PM20D2: variants seen among roughly 807,000 people sequenced by gnomAD.
PM20D2 encodes the protein peptidase M20 domain containing 2.
Under a neutral mutation model 42.9 loss-of-function variants are expected in PM20D2, and 33 were observed. The observed-to-expected ratio is 0.77, with a 90% CI of 0.58 to 1.03. The LOEUF (loss-of-function observed/expected upper bound fraction) is 1.03, where lower values mean the gene tolerates loss of function less well. Ranked by LOEUF, PM20D2 falls within the 50% of genes least tolerant of loss-of-function variation. The pLI, the probability that PM20D2 is intolerant of heterozygous loss-of-function variation, is 0.00. For synonymous variants in PM20D2, 250 were observed against 228.2 expected (o/e 1.10, Z -0.86); for missense variants, 548 against 557.0 (o/e 0.98, Z 0.16).
the PM20D2 span, among the ~76,000 whole-genome samples, chr6:89,123,719 CAAAA>C: frequency 3.7e-5 from 2 of 53,894 alleles, no homozygotes; most frequent in Non-Finnish European, 3.9e-5. Flanking sequence ...GAGACTGTCT[CAAAA>C]AAAAAAAAAA....
chr6:89,141,045 A>C, the PM20D2 span, among the ~76,000 whole-genome samples: 1 of 151,628 alleles, frequency 6.6e-6, no homozygotes, highest in African/African-American at 2.4e-5. Flanking sequence ...GTATACCATT[A>C]CTCATACTAG....
At chr6:89,106,844 T>C in the PM20D2 span, 1 of 387,164 alleles carries the variant, frequency 2.6e-6, no homozygotes, top group Non-Finnish European at 5.0e-6. Context: ...CTTTGTCTTT[T>C]GCTTGATAAA....
Position 89,160,050 on chromosome 6 carries a change from GT to G in PM20D2, c.1048+1599del, listed in dbSNP as rs1043126981. Among the ~76,000 whole-genome samples the G allele has an allele frequency of 1.1e-4, 16 of 151,466 alleles. 1 individual carries two copies. The highest frequency in any genetic ancestry group is 1.0e-3 in the South Asian group (5 of 4,780). On this transcript the variant is annotated intron_variant, in intron 5 of 6. Transcript: ENST00000275072. ...AGTAAGATCTTAAAATATGCAACAG[GT>G]TTTTTTTTGTCCATCCTTTTTTGTT...
At chr6:89,094,055 G>A in the PM20D2 span, among the ~76,000 whole-genome samples, 1 of 151,044 alleles carries the variant, frequency 6.6e-6, no homozygotes, top group Non-Finnish European at 1.5e-5. Flanking sequence ...TGAGTGTCTG[G>A]GATTACAAGT....
chr6:89,104,033 C>T, the PM20D2 span, among the ~76,000 whole-genome samples: 1 of 109,720 alleles, frequency 9.1e-6, no homozygotes, highest in African/African-American at 3.6e-5. Context: ...GACGGAGTCT[C>T]ACCATGTTGG....
Position 89,165,026 on chromosome 6 carries a change from T to G in PM20D2, c.*2763T>G, listed in dbSNP as rs1409955700. 1 of 151,984 alleles carries G rather than the reference T, an allele frequency of 6.6e-6. No homozygotes were observed. Among genetic ancestry groups the G allele is most frequent in the African/African-American group, 2.4e-5 (1 of 41,398 alleles). 9.4% of individuals were successfully genotyped at this position (151,984 alleles called of 1,614,324 possible). A position where few individuals can be genotyped will look rare whatever the true frequency, so the allele number is the denominator to read the frequency against. ...CGAGATTTATTTATCTGAGCAACAT[T>G]GGGACTGAGGGAACATCTGAAAGCT... On this transcript the variant is annotated 3_prime_UTR_variant, in exon 7 of 7. Coordinates refer to ENST00000275072, the MANE Select transcript of PM20D2 (RefSeq NM_001010853.3).
chr6:89,137,771 C>T, the PM20D2 span, among the ~76,000 whole-genome samples: 6 of 152,052 alleles, frequency 3.9e-5, no homozygotes, highest in East Asian at 1.9e-4. Context: ...ATACTGTTTC[C>T]TTATTCCCCC....
At chr6:89,101,449 C>T in the PM20D2 span, among the ~76,000 whole-genome samples, 1 of 152,144 alleles carries the variant, frequency 6.6e-6, no homozygotes, top group South Asian at 2.1e-4. Flanking sequence ...CGGCCGGGTG[C>T]GGTGGCTCAT....
chr6:89,099,488 G>GTA, the PM20D2 span, among the ~76,000 whole-genome samples: 2 of 135,034 alleles, frequency 1.5e-5, no homozygotes, highest in Admixed American at 7.5e-5. Context: ...ATATGTGTGT[G>GTA]TATATATATA....
the PM20D2 span, among the ~76,000 whole-genome samples, chr6:89,130,945 C>T: frequency 6.8e-6 from 1 of 147,964 alleles, no homozygotes; most frequent in African/African-American, 2.5e-5. Flanking sequence ...TCAAGCAATC[C>T]ACTGGCCTTG....
Position 89,149,295 on chromosome 6 carries a change from G to C in PM20D2, c.496G>C (p.Asp166His), listed in dbSNP as rs1272449241. ...TGTCCTGGGAACCCCTGCAGAAGAAGATGGTGGTGGCAAAATTGATTTAAT... is the reference window on the plus strand; with the variant it reads ...TGTCCTGGGAACCCCTGCAGAAGAACATGGTGGTGGCAAAATTGATTTAAT... ...VVVLGTPAEE[D>H]GGGKIDLIEA... is the part of the protein sequence containing the mutation. The change falls in exon 2 of 7, where the codon GAT becomes CAT. Residue 166 changes from aspartate (D) to histidine (H), a missense_variant. Physicochemically the swap from Asp to His is moderately conservative, Grantham distance 81. Coordinates refer to ENST00000275072, the MANE Select transcript of PM20D2 (RefSeq NM_001010853.3). 1.9e-6 allele frequency: 3 copies of C among 1,613,946 alleles called. No homozygotes were observed. The highest frequency in any genetic ancestry group is 1.7e-6 in the Non-Finnish European group (2 of 1,179,982).
At chr6:89,142,898 A>G (rs544118992), upstream of PM20D2, among the ~76,000 whole-genome samples, 6 of 151,618 alleles carry the variant, frequency 4.0e-5, no homozygotes, top group Non-Finnish European at 8.8e-5. Context: ...GACCTCGTGA[A>G]CCACCCACCT....
upstream of PM20D2, among the ~76,000 whole-genome samples, chr6:89,145,501 T>C (rs1770497700): frequency 1.3e-5 from 2 of 152,204 alleles, no homozygotes; most frequent in Non-Finnish European, 2.9e-5. Flanking sequence ...AGCTAATACA[T>C]ACCAAGAGCT....
chr6:89,153,118 T>C lies in PM20D2; in HGVS notation c.690T>C (p.Ala230=). The C allele has an allele frequency of 6.2e-7, 1 of 1,612,712 alleles. No individual in the cohort carries two copies. Among genetic ancestry groups the C allele is most frequent in the Non-Finnish European group, 8.5e-7 (1 of 1,179,178 alleles). Residue 230 remains alanine, a synonymous_variant, in exon 3 of 7, where the codon GCT becomes GCC. Coordinates refer to ENST00000275072, the MANE Select transcript of PM20D2 (RefSeq NM_001010853.3). ...YPWEGLNALD[A]AVLAYNNLSV... ...GGGAAGGATTAAATGCATTAGATGC[T>C]GCTGTGCTGGCCTATAACAATCTGT... is the stretch of plus-strand genomic sequence containing the variant.
chr6:89,124,736 G>GTTTTTTTTTTTTTTTT, the PM20D2 span, among the ~76,000 whole-genome samples: 4 of 108,456 alleles, frequency 3.7e-5, no homozygotes, highest in East Asian at 3.1e-4. Flanking sequence ...TGCTGTTGTT[G>GTTTTTTTTTTTTTTTT]TTTTTTTTTT....
chr6:89,105,797 T>C, the PM20D2 span: 1 of 205,016 alleles, frequency 4.9e-6, no homozygotes, highest in South Asian at 1.7e-4. Flanking sequence ...ATAGTGTGGC[T>C]GCAGTATGCA....
the PM20D2 span, among the ~76,000 whole-genome samples, chr6:89,115,091 C>T: frequency 2.0e-5 from 3 of 151,338 alleles, no homozygotes; most frequent in Non-Finnish European, 4.4e-5. Context: ...CCACCACGCC[C>T]GGCCACAGCT....
chr6:89,157,946 G>T (rs1227146915), intron 4 of PM20D2, among the ~76,000 whole-genome samples: 1 of 152,200 alleles, frequency 6.6e-6, no homozygotes, highest in Non-Finnish European at 1.5e-5. Context: ...GGCGGAGGTT[G>T]TGGTGAGCTG....
At chr6:89,120,786 T>A in the PM20D2 span, among the ~76,000 whole-genome samples, 32 of 152,220 alleles carry the variant, frequency 2.1e-4, no homozygotes, top group Non-Finnish European at 4.1e-4. Context: ...GGCAAGAGGA[T>A]TGCTTGAGCC....
Sources: gnomAD v4.1 joint callset for allele counts (sites outside exome capture counted in the v4.1 genomes callset) on GRCh38, gnomAD v4.1.1 for gene constraint, MANE v1.5 for transcripts, NCBI Gene and HGNC (gene_info 2026-07-23, HGNC 2026-07-21) for gene names.